Variants in MRPS5 observed in about 807,000 individuals in gnomAD.
MRPS5 encodes small ribosomal subunit protein uS5m.
MRPS5 carries 27 observed loss-of-function variants against 51.9 expected under a neutral mutation model. That is an observed-to-expected ratio of 0.52 (90% confidence interval 0.38 to 0.72). MRPS5 has a LOEUF of 0.72. MRPS5 is among the 30% of genes least tolerant of loss of function. The pLI, the probability that MRPS5 is intolerant of heterozygous loss-of-function variation, is 0.00. For missense variants in MRPS5, 570 were observed against 545.7 expected, an observed-to-expected ratio of 1.04 and a Z score of -0.44; for synonymous variants, 196 against 193.2, an observed-to-expected ratio of 1.01 and a Z score of -0.12.
chr2:95,088,178 G>GA (rs1675353538), intron 11 of MRPS5, among the ~76,000 whole-genome samples: 1 of 151,964 alleles, frequency 6.6e-6, no homozygotes, highest in African/African-American at 2.4e-5. Context: ...TCATTTGTAT[G>GA]AACATTGATT....
At chr2:95,112,272 T>C (rs1219067886) in intron 3 of MRPS5, among the ~76,000 whole-genome samples, 1 of 152,000 alleles carries the variant, frequency 6.6e-6, no homozygotes, top group African/African-American at 2.4e-5. Flanking sequence ...ACCATATTGG[T>C]CAGACTGGTC....
chr2:95,088,443 A>T (rs117062360), intron 11 of MRPS5, among the ~76,000 whole-genome samples: 1 of 152,354 alleles, frequency 6.6e-6, no homozygotes, highest in East Asian at 1.9e-4. Context: ...TTAGTTCAGT[A>T]GACGTTATTC....
chr2:95,109,943 G>A lies in MRPS5; in HGVS notation c.376C>T (p.Leu126=), dbSNP rs750503716. The change falls in exon 4 of 12, where the codon CTG becomes TTG. Residue 126 remains leucine (L), a synonymous_variant. Transcript: ENST00000272418. ...TCACCAATGATCTGACCCCTGTTCA[G>A]ATCCTTTCTTTTCTTCTTTTTAGTT... is the stretch of plus-strand genomic sequence containing the variant. ...KRTKKKKRKD[L]NRGQIIGEGR... 1.9e-6 allele frequency: 3 copies of A among 1,613,452 alleles called. No individual in the cohort carries two copies. In the East Asian group the frequency reaches 6.7e-5, roughly 36 times the overall value.
chr2:95,108,174 C>T lies in MRPS5; in HGVS notation c.637+1G>A. On this transcript the variant is annotated splice_donor_variant, in intron 5 of 11. Coordinates refer to ENST00000272418, the MANE Select transcript of MRPS5 (RefSeq NM_031902.5). LOFTEE classifies it high-confidence loss of function. ...GGCAAACAAAACCAGGAGTTTGCTA[C>T]CTCCACAGGGACCAGGGTCAGGGGG... 1.2e-6 allele frequency: 2 copies of T among 1,613,722 alleles called. No individual in the cohort carries two copies. The highest frequency in any genetic ancestry group is 1.7e-6 in the Non-Finnish European group (2 of 1,179,604).
intron 2 of MRPS5, among the ~76,000 whole-genome samples, chr2:95,116,735 A>C (rs1323511199): frequency 6.6e-6 from 1 of 152,236 alleles, no homozygotes; most frequent in East Asian, 1.9e-4. Context: ...GGCTCAAGTC[A>C]AAGACATGCA....
At chr2:95,103,979 G>C (rs1399264372) in intron 7 of MRPS5, 1 of 152,202 alleles carries the variant, frequency 6.6e-6, no homozygotes. Flanking sequence ...TTAAATGTCA[G>C]TATGGGCTAA....
rs905608382 is a variant in MRPS5 at position 95,085,669 on chromosome 2, G to A, written c.*1688C>T. Among the ~76,000 whole-genome samples, 10 of 152,128 alleles carry A rather than the reference G, an allele frequency of 6.6e-5. No homozygotes were observed. Among genetic ancestry groups the A allele is most frequent in the Non-Finnish European group, 2.9e-5 (2 of 68,028 alleles). ...AGCAGAGGTCCCGAGGACAGCGACA[G>A]GAGGAAACCTGGATCTCCATCCTCA... On this transcript the variant is annotated 3_prime_UTR_variant, in exon 12 of 12. Coordinates refer to ENST00000272418, the MANE Select transcript of MRPS5 (RefSeq NM_031902.5).
chr2:95,108,258 ATCT>A lies in MRPS5; in HGVS notation c.551_553del (p.Lys184del), dbSNP rs750741217. ...CCATCCTCGCTCCCGTTTAACCTTC[ATCT>A]TCTTCTTTCGGTCCCACTCTTCTCT... On this transcript the variant is annotated inframe_deletion, in exon 5 of 12. Coordinates refer to ENST00000272418, the MANE Select transcript of MRPS5 (RefSeq NM_031902.5). 48 of 1,613,872 alleles carry A rather than the reference ATCT, an allele frequency of 3.0e-5. 1 individual carries two copies. In the South Asian group the frequency reaches 3.2e-4, roughly 11 times the overall value.
intron 10 of MRPS5, among the ~76,000 whole-genome samples, chr2:95,093,937 A>G (rs1558676646): frequency 6.6e-6 from 1 of 152,222 alleles, no homozygotes; most frequent in Non-Finnish European, 1.5e-5. Flanking sequence ...AAACTTCTCC[A>G]AGTTAAAGGA....
chr2:95,107,693 C>T (rs762365258), intron 5 of MRPS5, among the ~76,000 whole-genome samples: 2 of 152,228 alleles, frequency 1.3e-5, no homozygotes, highest in Non-Finnish European at 2.9e-5. Context: ...TACTGCTTTA[C>T]ATACTCACGG....
intron 10 of MRPS5, among the ~76,000 whole-genome samples, chr2:95,095,090 TA>T (rs1435994263): frequency 1.3e-5 from 2 of 152,146 alleles, no homozygotes; most frequent in Non-Finnish European, 2.9e-5. Flanking sequence ...TAGTCTCTGA[TA>T]AAACAGACTT....
At chr2:95,117,436 TTAA>T (rs909120482) in intron 2 of MRPS5, among the ~76,000 whole-genome samples, 1 of 151,192 alleles carries the variant, frequency 6.6e-6, no homozygotes, top group Non-Finnish European at 1.5e-5. Context: ...ACACACAAAC[TTAA>T]TAATAAAAAC....
At chr2:95,116,447 T>C (rs1028853817) in intron 2 of MRPS5, among the ~76,000 whole-genome samples, 3 of 152,150 alleles carry the variant, frequency 2.0e-5, no homozygotes, top group African/African-American at 7.2e-5. Flanking sequence ...GGTCCAACTG[T>C]CAAAAGCAGA....
chr2:95,110,317 G>T (rs1301323306), intron 3 of MRPS5, among the ~76,000 whole-genome samples: 1 of 152,160 alleles, frequency 6.6e-6, no homozygotes, highest in Non-Finnish European at 1.5e-5. Flanking sequence ...TCAAATCTCA[G>T]TTACTTACCA....
intron 3 of MRPS5, among the ~76,000 whole-genome samples, chr2:95,110,521 G>A (rs1050401061): frequency 6.6e-6 from 1 of 152,164 alleles, no homozygotes; most frequent in African/African-American, 2.4e-5. Flanking sequence ...ATCAACTGTT[G>A]GCCAGGTACA....
chr2:95,088,204 C>T (rs182027552), intron 11 of MRPS5, among the ~76,000 whole-genome samples: 2 of 151,938 alleles, frequency 1.3e-5, no homozygotes, highest in African/African-American at 4.8e-5. Context: ...TTTGATGATA[C>T]AAGTTACTGT....
chr2:95,120,024 A>G (rs1376548653), intron 1 of MRPS5, among the ~76,000 whole-genome samples: 2 of 152,218 alleles, frequency 1.3e-5, no homozygotes, highest in African/African-American at 2.4e-5. Context: ...GATCGTGCCA[A>G]TGCACTCCAG....
chr2:95,099,760 G>GT (rs985605682), intron 10 of MRPS5, among the ~76,000 whole-genome samples: 52 of 152,116 alleles, frequency 3.4e-4, no homozygotes, highest in African/African-American at 1.2e-3. Flanking sequence ...GTATTTGAGG[G>GT]TTTTTTCCTG....
Position 95,110,008 on chromosome 2 carries a change from G to A in MRPS5, c.311C>T (p.Ala104Val). 1 of 1,613,910 alleles carries A rather than the reference G, an allele frequency of 6.2e-7. No homozygotes were observed. The highest frequency in any genetic ancestry group is 1.7e-5 in the Admixed American group (1 of 59,956). The change falls in exon 4 of 12, where the codon GCA becomes GTA. Residue 104 changes from alanine (A) to valine (V), a missense_variant. Physicochemically the swap from Ala to Val is moderately conservative, Grantham distance 64. Coordinates refer to ENST00000272418, the MANE Select transcript of MRPS5 (RefSeq NM_031902.5). ...TADELWKGAL[A>V]ETGAGAKKGR... Reference sequence around the variant, plus strand: ...TTTTTTTGCTCCAGCACCAGTCTCTGCTAAAGCGCCTTTCCACAGCTCATC... The same window carrying A: ...TTTTTTTGCTCCAGCACCAGTCTCTACTAAAGCGCCTTTCCACAGCTCATC...
Sources: allele counts gnomAD v4.1 joint callset (sites outside exome capture counted in the v4.1 genomes callset), GRCh38; gene constraint gnomAD v4.1.1; transcripts MANE v1.5; gene names NCBI Gene and HGNC (gene_info 2026-07-23, HGNC 2026-07-21).